GLUD1: variants seen among roughly 807,000 people sequenced by gnomAD.
The protein encoded by GLUD1 is glutamate dehydrogenase 1, also known as glutamate dehydrogenase 1, mitochondrial.
A neutral mutation model predicts 56.0 loss-of-function variants in GLUD1; 22 were observed. That is an observed-to-expected ratio of 0.39 (90% CI 0.28 to 0.56). GLUD1 has a LOEUF of 0.56. Among genes scored for constraint, GLUD1 ranks in the 20% least tolerant of loss-of-function variants. The pLI, the probability that GLUD1 is intolerant of heterozygous loss-of-function variation, is 0.58. For synonymous variants in GLUD1, 223 were observed against 269.9 expected (o/e 0.83, Z 1.70); for missense variants, 451 against 732.0 (o/e 0.62, Z 4.43).
intron 1 of GLUD1, among the ~76,000 whole-genome samples, chr10:87,091,252 G>T (rs1841504805): frequency 1.3e-5 from 2 of 148,478 alleles, no homozygotes; most frequent in South Asian, 2.1e-4. Flanking sequence ...CTGGGGGGGG[G>T]CAGACTGGAA....
At chr10:87,056,843 C>G (rs889744377) in intron 11 of GLUD1, among the ~76,000 whole-genome samples, 1 of 151,688 alleles carries the variant, frequency 6.6e-6, no homozygotes, top group Non-Finnish European at 1.5e-5. Flanking sequence ...AAAAAAAACT[C>G]TTTTTCAATT....
At chr10:87,090,869 A>G (rs1255515065) in intron 1 of GLUD1, among the ~76,000 whole-genome samples, 1 of 152,154 alleles carries the variant, frequency 6.6e-6, no homozygotes, top group Non-Finnish European at 1.5e-5. Context: ...TTTTTCCCCC[A>G]GTGAAGGCAG....
chr10:87,066,137 C>A (rs1260898869), intron 5 of GLUD1, among the ~76,000 whole-genome samples: 3 of 152,100 alleles, frequency 2.0e-5, no homozygotes, highest in Admixed American at 2.0e-4. Context: ...AATAAACATG[C>A]CAAAAGACAA....
At chr10:87,052,695 A>AAAG (rs1845670098) in intron 12 of GLUD1, among the ~76,000 whole-genome samples, 2 of 148,418 alleles carry the variant, frequency 1.3e-5, no homozygotes, top group African/African-American at 2.5e-5. Flanking sequence ...AAAAAAAAAA[A>AAAG]GGGAGTGATG....
intron 7 of GLUD1, 21 bp downstream of exon 7, chr10:87,060,894 G>T (rs1383084506): frequency 6.8e-6 from 11 of 1,613,446 alleles, no homozygotes; most frequent in Admixed American, 3.3e-5. Context: ...TAGTGTCTAT[G>T]CTATAAAAAT....
chr10:87,081,262 G>C (rs1431576768), intron 1 of GLUD1, among the ~76,000 whole-genome samples: 2 of 147,330 alleles, frequency 1.4e-5, no homozygotes, highest in East Asian at 4.1e-4. Context: ...CTGCCTGGCT[G>C]CCCCTACTGG....
chr10:87,094,358 G>A lies in GLUD1; in HGVS notation c.412C>T (p.Gln138Ter), dbSNP rs766416273. The A allele has an allele frequency of 6.2e-7, 1 of 1,611,676 alleles. No individual in the cohort carries two copies. Among genetic ancestry groups the A allele is most frequent in the Non-Finnish European group, 8.5e-7 (1 of 1,179,372 alleles). ...CAGGGCGTGCGGTGCTGGCTGTGCT[G>A]GGCCCGGTAGCCTTCGATGACCTCC... The part of the protein sequence containing the change: ...SWEVIEGYRA[Q>*]HSQHRTPCKG... The change falls in exon 1 of 13, where the codon CAG becomes TAG. Residue 138 changes from glutamine to a stop codon, truncating the protein, a stop_gained. Coordinates refer to ENST00000277865, the MANE Select transcript of GLUD1 (RefSeq NM_005271.5). LOFTEE classifies it high-confidence loss of function. The surrounding 1 kb of genome is among the most constrained non-coding windows in gnomAD (Gnocchi z 6.6).
intron 9 of GLUD1, 140 bp downstream of exon 9, chr10:87,060,021 C>G (rs1432013170): frequency 1.0e-5 from 7 of 677,014 alleles, no homozygotes; most frequent in African/African-American, 7.2e-5. Flanking sequence ...AACCATGCTT[C>G]TACTATATTT....
At chr10:87,069,429 C>T (rs1458838954) in intron 4 of GLUD1, among the ~76,000 whole-genome samples, 3 of 150,754 alleles carry the variant, frequency 2.0e-5, no homozygotes, top group Admixed American at 1.3e-4. Flanking sequence ...GCAGGAGAAT[C>T]GCTTGAATGG....
chr10:87,086,071 C>T (rs1489320967), intron 1 of GLUD1, among the ~76,000 whole-genome samples: 1 of 152,120 alleles, frequency 6.6e-6, no homozygotes, highest in Non-Finnish European at 1.5e-5. Context: ...AAATTATTTA[C>T]AAGTCTACGT....
At chr10:87,083,006 C>T (rs907887530) in intron 1 of GLUD1, among the ~76,000 whole-genome samples, 9 of 152,052 alleles carry the variant, frequency 5.9e-5, no homozygotes, top group South Asian at 2.1e-4. Context: ...TTTGGGAGGC[C>T]GAGCTGGGCA....
Position 87,094,059 on chromosome 10 carries a change from T to C in GLUD1, c.445+266A>G, listed in dbSNP as rs1417472022. 1 of 1,511,468 alleles carries C rather than the reference T, an allele frequency of 6.6e-7. No homozygotes were observed. The highest frequency in any genetic ancestry group is 1.4e-5 in the African/African-American group (1 of 72,228). The allele number at this position is 1,511,468 out of a possible 1,614,324, so 93.6% of individuals were successfully genotyped here. ...GGACCAAAAGGAGACCGGTGCAGCG[T>C]CTACTCTGCATGCAAGATCAGCATA... On this transcript the variant is annotated intron_variant, in intron 1 of 12. Coordinates refer to ENST00000277865, the MANE Select transcript of GLUD1 (RefSeq NM_005271.5). The surrounding 1 kb of genome is among the most constrained non-coding windows in gnomAD (Gnocchi z 6.6).
Position 87,081,771 on chromosome 10 carries a change from C to T in GLUD1, c.446-5115G>A, listed in dbSNP as rs547872586. Reference sequence around the variant, plus strand: ...GCAGCATGCTCGTTAAGAGTCATCACCACTCCCTAATCTCAAGTACCCAGG... The same window carrying T: ...GCAGCATGCTCGTTAAGAGTCATCATCACTCCCTAATCTCAAGTACCCAGG... On this transcript the variant is annotated intron_variant, in intron 1 of 12. Transcript: ENST00000277865. Among the ~76,000 whole-genome samples, 111 of 151,568 alleles carry T rather than the reference C, an allele frequency of 7.3e-4. No individual in the cohort carries two copies. The Middle Eastern group carries it at 0.02, about 28-fold the overall frequency.
chr10:87,053,324 C>T lies in GLUD1; in HGVS notation c.1557+18G>A. The T allele has an allele frequency of 6.3e-7, 1 of 1,581,144 alleles. No homozygotes were observed. The highest frequency in any genetic ancestry group is 1.3e-5 in the African/African-American group (1 of 74,354). On this transcript the variant is annotated intron_variant, in intron 12 of 12. Coordinates refer to ENST00000277865, the MANE Select transcript of GLUD1 (RefSeq NM_005271.5). ...TTCATGTGACTAGCTGGAAGGCAAACAGCATCTGCACACATACCCTGGCAG... is the reference window on the plus strand; with the variant it reads ...TTCATGTGACTAGCTGGAAGGCAAATAGCATCTGCACACATACCCTGGCAG...
In GLUD1 at chr10:87,051,368, G is replaced by A. The variant is rs1236026165; in HGVS notation, c.*383C>T. On this transcript the variant is annotated 3_prime_UTR_variant, in exon 13 of 13. Transcript: ENST00000277865. ...ACTTCTTAAATGTGTTAAAGTTACA[G>A]TGTGTCCCAGACTCATCCAGAAAAA... The A allele has an allele frequency of 1.5e-5, 5 of 324,986 alleles. No homozygotes were observed. The highest frequency in any genetic ancestry group is 3.1e-5 in the Non-Finnish European group (5 of 160,846). 20.1% of individuals were successfully genotyped at this position (324,986 alleles called of 1,614,324 possible).
intron 5 of GLUD1, among the ~76,000 whole-genome samples, chr10:87,064,195 G>A (rs1014872771): frequency 1.3e-5 from 2 of 152,144 alleles, no homozygotes; most frequent in Admixed American, 1.3e-4. Context: ...TTACAGGCGT[G>A]AGCCACCGCG....
In GLUD1 at chr10:87,091,562, T is replaced by C. The variant is rs147676320; in HGVS notation, c.445+2763A>G. ...TCACTTAAACTTCCCTTCAGATCCT[T>C]TAGCTTACCCTTTCAAATCCTTAAC... On this transcript the variant is annotated intron_variant, in intron 1 of 12. Coordinates refer to ENST00000277865, the MANE Select transcript of GLUD1 (RefSeq NM_005271.5). The C allele has an allele frequency of 2.0e-5, 18 of 913,350 alleles. No individual in the cohort carries two copies. In the East Asian group the frequency reaches 1.5e-3, roughly 78 times the overall value. 56.6% of individuals were successfully genotyped at this position (913,350 alleles called of 1,614,324 possible). A position where few individuals can be genotyped will look rare whatever the true frequency, so the allele number is the denominator to read the frequency against.
chr10:87,082,043 T>C (rs2133844279), intron 1 of GLUD1, among the ~76,000 whole-genome samples: 1 of 152,038 alleles, frequency 6.6e-6, no homozygotes, highest in East Asian at 1.9e-4. Flanking sequence ...GTGGAAGTCA[T>C]CACCACATTA....
Position 87,076,070 on chromosome 10 carries a change from A to G in GLUD1, c.527-47T>C, listed in dbSNP as rs1486265824. 1 of 1,341,786 alleles carries G rather than the reference A, an allele frequency of 7.5e-7. No individual in the cohort carries two copies. Among genetic ancestry groups the G allele is most frequent in the South Asian group, 1.2e-5 (1 of 85,738 alleles). The allele number at this position is 1,341,786 out of a possible 1,614,324, so 83.1% of individuals were successfully genotyped here. A position where few individuals can be genotyped will look rare whatever the true frequency, so the allele number is the denominator to read the frequency against. On this transcript the variant is annotated intron_variant, in intron 2 of 12. Coordinates refer to ENST00000277865, the MANE Select transcript of GLUD1 (RefSeq NM_005271.5). ...TGCTATTCCATATAAATGTTAAAAA[A>G]GTAAAATGACAGAAAGCACCACACA...
Sources: allele counts gnomAD v4.1 joint callset (sites outside exome capture counted in the v4.1 genomes callset), GRCh38; gene constraint gnomAD v4.1.1; non-coding constraint Gnocchi (gnomAD v3.1); transcripts MANE v1.5; gene names NCBI Gene and HGNC (gene_info 2026-07-23, HGNC 2026-07-21).